Variants in ELMO1 observed in about 807,000 individuals in gnomAD.
ELMO1 encodes engulfment and cell motility 1.
ELMO1 carries 26 observed loss-of-function variants against 98.9 expected under a neutral mutation model. The ratio of observed to expected loss-of-function variants is 0.26; its 90% CI spans 0.19 to 0.36. The LOEUF is 0.36. Ranked by LOEUF, ELMO1 falls within the 10% of genes least tolerant of loss-of-function variation. The pLI, the probability that ELMO1 is intolerant of heterozygous loss-of-function variation, is 1.00. For synonymous variants in ELMO1, 346 were observed against 346.0 expected (o/e 1.00, Z 0.00); for missense variants, 627 against 935.2 (o/e 0.67, Z 4.30).
chr7:37,340,482 G>A (rs1045451522), intron 2 of ELMO1, among the ~76,000 whole-genome samples: 1 of 152,194 alleles, frequency 6.6e-6, no homozygotes, highest in Non-Finnish European at 1.5e-5. Flanking sequence ...AGGAGACTGA[G>A]GAAACGTGAC....
At chr7:37,208,831 G>A (rs912578398) in intron 13 of ELMO1, among the ~76,000 whole-genome samples, 1 of 152,058 alleles carries the variant, frequency 6.6e-6, no homozygotes, top group Non-Finnish European at 1.5e-5. Flanking sequence ...AGACTGGCCT[G>A]GGAGAAGTTG....
chr7:37,097,442 G>A lies in ELMO1; in HGVS notation c.1192-715C>T, dbSNP rs80224917. On this transcript the variant is annotated intron_variant, in intron 14 of 21. Coordinates refer to ENST00000310758, the MANE Select transcript of ELMO1 (RefSeq NM_014800.11). ...CTAAAAATAAAAACAAAATTATCTG[G>A]GTGCGGTGGCAGGTGCCTTTAATCA... Among the ~76,000 whole-genome samples, 779 of 152,150 alleles carry A rather than the reference G, an allele frequency of 5.1e-3. 10 individuals carry two copies. Among genetic ancestry groups the A allele is most frequent in the African/African-American group, 0.018 (736 of 41,492 alleles).
At chr7:37,363,707 A>G (rs1036449624) in intron 1 of ELMO1, among the ~76,000 whole-genome samples, 2 of 152,196 alleles carry the variant, frequency 1.3e-5, no homozygotes, top group African/African-American at 4.8e-5. Flanking sequence ...CTAGAAGGGG[A>G]AAAATAAATC....
rs150772907 is a variant in ELMO1 at position 37,413,878 on chromosome 7, A to G, written c.-74+34797T>C. On this transcript the variant is annotated intron_variant, in intron 1 of 21. Transcript: ENST00000310758. Reference sequence around the variant, plus strand: ...TTTTTAGTAGAGATGGGGTTTTGTCACGTTGCCTATTCTGGTCTGGAACTC... The same window carrying G: ...TTTTTAGTAGAGATGGGGTTTTGTCGCGTTGCCTATTCTGGTCTGGAACTC... Among the ~76,000 whole-genome samples the G allele has an allele frequency of 8.6e-3, 1,304 of 152,152 alleles. 25 individuals carry two copies. The highest frequency in any genetic ancestry group is 0.03 in the African/African-American group (1,231 of 41,520).
At chr7:37,163,848 T>A (rs947065053) in intron 13 of ELMO1, among the ~76,000 whole-genome samples, 1 of 152,232 alleles carries the variant, frequency 6.6e-6, no homozygotes, top group East Asian at 1.9e-4. Context: ...TTTGGGTATA[T>A]ACCCAGTAAT....
intron 14 of ELMO1, 142 bp downstream of exon 14, chr7:37,132,988 G>C: frequency 1.9e-6 from 1 of 515,550 alleles, no homozygotes; most frequent in Non-Finnish European, 3.1e-6. Flanking sequence ...ACTTAATTCT[G>C]ATTTTTTTTT....
chr7:37,030,139 A>T (rs1459713297), intron 15 of ELMO1, among the ~76,000 whole-genome samples: 1 of 152,154 alleles, frequency 6.6e-6, no homozygotes, highest in Non-Finnish European at 1.5e-5. Flanking sequence ...CACTAAGGAG[A>T]GACCATTTTA....
chr7:36,932,620 T>C (rs1368369449), intron 16 of ELMO1, among the ~76,000 whole-genome samples: 1 of 152,240 alleles, frequency 6.6e-6, no homozygotes. Flanking sequence ...TGGAGTCTTA[T>C]GCTTCTGTAA....
intron 16 of ELMO1, among the ~76,000 whole-genome samples, chr7:36,977,963 A>G: frequency 6.6e-6 from 1 of 152,168 alleles, no homozygotes; most frequent in Non-Finnish European, 1.5e-5. Flanking sequence ...TCCAACTCTG[A>G]GGCTAATGAT....
chr7:37,446,613 A>C (rs914159799), intron 1 of ELMO1, among the ~76,000 whole-genome samples: 59 of 152,276 alleles, frequency 3.9e-4, no homozygotes, highest in African/African-American at 1.3e-3. Flanking sequence ...GTTACCAAGG[A>C]CAGTAAGCAT....
intron 2 of ELMO1, among the ~76,000 whole-genome samples, chr7:37,337,882 CA>C (rs992494286): frequency 6.6e-6 from 1 of 152,142 alleles, no homozygotes; most frequent in African/African-American, 2.4e-5. Context: ...AAAAAAATCA[CA>C]GAGTACTAGG....
chr7:37,158,697 C>T (rs1474430268), intron 13 of ELMO1, among the ~76,000 whole-genome samples: 1 of 152,238 alleles, frequency 6.6e-6, no homozygotes, highest in Non-Finnish European at 1.5e-5. Context: ...CACTTTTACA[C>T]TGTTGGTGAG....
intron 6 of ELMO1, among the ~76,000 whole-genome samples, chr7:37,244,889 T>C (rs1013555326): frequency 2.6e-5 from 4 of 152,158 alleles, no homozygotes; most frequent in Non-Finnish European, 2.9e-5. Context: ...CAATAAGACA[T>C]TGCACTAGTG....
intron 18 of ELMO1, among the ~76,000 whole-genome samples, chr7:36,880,074 C>T (rs748433391): frequency 2.7e-4 from 41 of 152,208 alleles, no homozygotes; most frequent in Admixed American, 1.2e-3. Context: ...CCCTGCCCTA[C>T]GTGGCTGTGA....
intron 16 of ELMO1, among the ~76,000 whole-genome samples, 175 bp downstream of exon 16, chr7:37,013,124 C>T (rs1023083060): frequency 6.6e-6 from 1 of 152,198 alleles, no homozygotes; most frequent in African/African-American, 2.4e-5. Flanking sequence ...CCCCAGCACA[C>T]AGATTCATGT....
At chr7:37,436,296 A>G (rs951035308) in intron 1 of ELMO1, among the ~76,000 whole-genome samples, 11 of 152,240 alleles carry the variant, frequency 7.2e-5, no homozygotes, top group Non-Finnish European at 5.9e-5. Context: ...CACAGCGGAC[A>G]CTGTAGTTGC....
At chr7:37,305,429 C>T (rs2131045694) in intron 4 of ELMO1, among the ~76,000 whole-genome samples, 1 of 144,152 alleles carries the variant, frequency 6.9e-6, no homozygotes, top group East Asian at 2.1e-4. Context: ...TGGTCAATAT[C>T]CAGCACAGTA....
chr7:36,903,547 T>C (rs1783738523), intron 16 of ELMO1, among the ~76,000 whole-genome samples: 1 of 152,238 alleles, frequency 6.6e-6, no homozygotes, highest in South Asian at 2.1e-4. Flanking sequence ...ATTCACTGTA[T>C]AATACAATTC....
intron 1 of ELMO1, among the ~76,000 whole-genome samples, chr7:37,442,935 G>A (rs1272345379): frequency 6.6e-6 from 1 of 152,228 alleles, no homozygotes. Context: ...AAACGAGTCA[G>A]AAAAGTTGGG....
Sources: allele counts gnomAD v4.1 joint callset (sites outside exome capture counted in the v4.1 genomes callset), GRCh38; gene constraint gnomAD v4.1.1; transcripts MANE v1.5; gene names NCBI Gene and HGNC (gene_info 2026-07-23, HGNC 2026-07-21).